Variants in BAZ1B observed in about 807,000 individuals in gnomAD.
The protein encoded by BAZ1B is tyrosine-protein kinase BAZ1B.
A neutral mutation model predicts 153.8 loss-of-function variants in BAZ1B; 22 were observed. The observed-to-expected ratio is 0.14, with a 90% CI of 0.10 to 0.20. The LOEUF is 0.20. Ranked by LOEUF, BAZ1B falls within the 10% of genes least tolerant of loss-of-function variation. The probability of loss-of-function intolerance (pLI) is 1.00; values close to 1 mark genes in which losing one functional copy is unlikely to be tolerated. For missense variants in BAZ1B, 1,325 were observed against 1,799.3 expected, an observed-to-expected ratio of 0.74 and a Z score of 4.77; for synonymous variants, 676 against 633.4, an observed-to-expected ratio of 1.07 and a Z score of -1.01.
chr7:73,447,182 A>C, intron 16 of BAZ1B, 82 bp downstream of exon 16: 20 of 1,610,436 alleles, frequency 1.2e-5, no homozygotes, highest in Non-Finnish European at 1.7e-5. Context: ...CGGCCACACT[A>C]CCTACTGCCA....
intron 6 of BAZ1B, among the ~76,000 whole-genome samples, chr7:73,488,702 G>A (rs1353250137): frequency 3.5e-5 from 5 of 143,452 alleles, no homozygotes; most frequent in East Asian, 2.0e-4. Context: ...GTGACAGAGC[G>A]AGACTCCAAC....
rs1013576405 is a variant in BAZ1B, at chr7:73,490,833, G to A, written c.694-1442C>T. ...TTGGTCAGGCTGGTCTCGAACTCCC[G>A]AGCTCAGGTGATCCACCTGCCTCGG... is the stretch of plus-strand genomic sequence containing the variant. On this transcript the variant is annotated intron_variant, in intron 5 of 19. Transcript: ENST00000339594. Among the ~76,000 whole-genome samples the A allele has an allele frequency of 8.6e-5, 13 of 151,560 alleles. 1 individual carries two copies. Among genetic ancestry groups the A allele is most frequent in the Middle Eastern group, 3.4e-3 (1 of 294 alleles).
At chr7:73,457,772 C>T (rs1345219174) in intron 13 of BAZ1B, among the ~76,000 whole-genome samples, 1 of 152,072 alleles carries the variant, frequency 6.6e-6, no homozygotes, top group East Asian at 1.9e-4. Flanking sequence ...CAGCCCTACC[C>T]ACAAGCTCCT....
chr7:73,446,884 C>T (rs981362435), intron 16 of BAZ1B, among the ~76,000 whole-genome samples: 4 of 152,212 alleles, frequency 2.6e-5, no homozygotes, highest in Admixed American at 6.5e-5. Context: ...CTGAAAGCAG[C>T]GATAAAACAA....
intron 10 of BAZ1B, 34 bp from the exon 11 acceptor site, chr7:73,465,571 A>G: frequency 7.2e-7 from 1 of 1,388,288 alleles, no homozygotes; most frequent in Non-Finnish European, 9.9e-7. Flanking sequence ...TAACTCTGAA[A>G]AAAAAAAAAA....
At chr7:73,515,404 G>T (rs1790755947) in intron 1 of BAZ1B, among the ~76,000 whole-genome samples, 1 of 152,084 alleles carries the variant, frequency 6.6e-6, no homozygotes, top group Admixed American at 6.6e-5. Flanking sequence ...GATGTGAGCA[G>T]ATGTAATATA....
At chr7:73,454,860 A>C (rs1474726087) in intron 13 of BAZ1B, among the ~76,000 whole-genome samples, 1 of 151,692 alleles carries the variant, frequency 6.6e-6, no homozygotes, top group African/African-American at 2.4e-5. Context: ...CAAGAACTTA[A>C]GGCTTTTTTT....
intron 1 of BAZ1B, among the ~76,000 whole-genome samples, chr7:73,517,354 C>T (rs746199195): frequency 7.2e-5 from 11 of 151,852 alleles, no homozygotes; most frequent in South Asian, 2.1e-4. Flanking sequence ...AAAAATTAGG[C>T]GTGGTGGTGT....
intron 1 of BAZ1B, among the ~76,000 whole-genome samples, chr7:73,512,155 C>A (rs917206606): frequency 7.2e-5 from 11 of 151,962 alleles, no homozygotes; most frequent in Admixed American, 5.3e-4. Flanking sequence ...TACCCACAGC[C>A]CTCCAGTCCA....
At chr7:73,518,011 G>A (rs1790880512) in intron 1 of BAZ1B, among the ~76,000 whole-genome samples, 1 of 152,108 alleles carries the variant, frequency 6.6e-6, no homozygotes, top group African/African-American at 2.4e-5. Flanking sequence ...CTTTTTACTC[G>A]ATATTCTCTC....
At chr7:73,489,478 A>G in intron 5 of BAZ1B, 87 bp from the exon 6 acceptor site, 1 of 1,396,084 alleles carries the variant, frequency 7.2e-7, no homozygotes, top group Non-Finnish European at 1.0e-6. Flanking sequence ...CTCTCCAGAA[A>G]AATCAAAATT....
At chr7:73,510,975 A>G (rs953179960) in intron 1 of BAZ1B, 123 bp from the exon 2 acceptor site, 12 of 816,866 alleles carry the variant, frequency 1.5e-5, no homozygotes, top group Middle Eastern at 3.0e-4. Flanking sequence ...ATGAGAGGAT[A>G]AAAATGGAAT....
chr7:73,483,341 G>C (rs1308263824), intron 6 of BAZ1B, among the ~76,000 whole-genome samples: 1 of 152,016 alleles, frequency 6.6e-6, no homozygotes, highest in Non-Finnish European at 1.5e-5. Context: ...ATATAATCTA[G>C]GCAGCAAAAC....
In BAZ1B at chr7:73,449,822, C is replaced by T. The variant is rs569101125; in HGVS notation, c.3581-133G>A. 1.3e-5 allele frequency: 12 copies of T among 947,306 alleles called. No individual in the cohort carries two copies. The South Asian group carries it at 2.7e-4, about 21-fold the overall frequency. 58.7% of individuals were successfully genotyped at this position (947,306 alleles called of 1,614,324 possible). ...TCCATAGAATGCTACCCAGTTGTTG[C>T]TTTGTAAATGCAGGCATTTTCTAAA... On this transcript the variant is annotated intron_variant, in intron 14 of 19. Coordinates refer to ENST00000339594, the MANE Select transcript of BAZ1B (RefSeq NM_032408.4).
chr7:73,515,160 G>A lies in BAZ1B; in HGVS notation c.108-4308C>T, dbSNP rs148483982. ...AAGAATATACAGTCCTCTATTATTCGTCTAAATTCTAATCATCCTTTAGAT... is the reference window on the plus strand; with the variant it reads ...AAGAATATACAGTCCTCTATTATTCATCTAAATTCTAATCATCCTTTAGAT... On this transcript the variant is annotated intron_variant, in intron 1 of 19. Transcript: ENST00000339594. Among the ~76,000 whole-genome samples the A allele has an allele frequency of 2.8e-3, 432 of 152,190 alleles. 1 individual carries two copies. The highest frequency in any genetic ancestry group is 0.01 in the African/African-American group (417 of 41,518).
intron 9 of BAZ1B, 139 bp from the exon 10 acceptor site, chr7:73,466,540 T>C (rs1554571188): frequency 1.2e-5 from 7 of 580,752 alleles, no homozygotes; most frequent in South Asian, 7.0e-5. Flanking sequence ...TATATCTTCA[T>C]GTATAAAAGA....
intron 13 of BAZ1B, among the ~76,000 whole-genome samples, chr7:73,455,279 A>G (rs934286131): frequency 5.9e-5 from 9 of 152,296 alleles, no homozygotes; most frequent in South Asian, 4.1e-4. Context: ...GTGAAAAAAA[A>G]GGAAAGAAGG....
At chr7:73,508,563 C>G in intron 2 of BAZ1B, 92 bp from the exon 3 acceptor site, 2 of 1,383,736 alleles carry the variant, frequency 1.4e-6, no homozygotes, top group Non-Finnish European at 2.0e-6. Flanking sequence ...TCTTTCTTTT[C>G]CAAACATTTC....
At chr7:73,443,575 A>C (rs897050535) in intron 17 of BAZ1B, among the ~76,000 whole-genome samples, 1 of 152,178 alleles carries the variant, frequency 6.6e-6, no homozygotes, top group Non-Finnish European at 1.5e-5. Flanking sequence ...AACTACTAAA[A>C]TTACATTGGT....
Sources: gnomAD v4.1 joint callset for allele counts (sites outside exome capture counted in the v4.1 genomes callset) on GRCh38, gnomAD v4.1.1 for gene constraint, MANE v1.5 for transcripts, NCBI Gene and HGNC (gene_info 2026-07-23, HGNC 2026-07-21) for gene names.